The following ABLIM3 variants were observed in gnomAD, a reference collection of about 807,000 sequenced individuals.
ABLIM3 encodes the protein actin binding LIM protein family member 3, also known as actin-binding LIM protein 3.
A neutral mutation model predicts 109.5 loss-of-function variants in ABLIM3; 61 were observed. The observed-to-expected ratio is 0.56, with a 90% CI of 0.45 to 0.69. The LOEUF (loss-of-function observed/expected upper bound fraction) is 0.69. ABLIM3 is among the 30% of genes least tolerant of loss of function. The pLI is 0.00. For missense variants in ABLIM3, 796 were observed against 889.5 expected, an observed-to-expected ratio of 0.89 and a Z score of 1.34; for synonymous variants, 300 against 324.8, an observed-to-expected ratio of 0.92 and a Z score of 0.82.
At chr5:149,255,897 T>G (rs1387410791) in intron 23 of ABLIM3, among the ~76,000 whole-genome samples, 1 of 152,216 alleles carries the variant, frequency 6.6e-6, no homozygotes, top group East Asian at 1.9e-4. Flanking sequence ...GCACATGACC[T>G]GTATCTGCTC....
intron 14 of ABLIM3, 83 bp downstream of exon 14, chr5:149,240,857 C>A: frequency 7.7e-7 from 1 of 1,299,328 alleles, no homozygotes. Flanking sequence ...CTCGATGCCA[C>A]ACAGGCACCA....
At chr5:149,161,237 G>C (rs1161558677) in intron 2 of ABLIM3, among the ~76,000 whole-genome samples, 2 of 152,204 alleles carry the variant, frequency 1.3e-5, no homozygotes, top group Non-Finnish European at 2.9e-5. Context: ...TTTTGGGTCT[G>C]TGACATCAGT....
chr5:149,222,116 A>G (rs1760709490), intron 8 of ABLIM3, among the ~76,000 whole-genome samples: 1 of 150,722 alleles, frequency 6.6e-6, no homozygotes. Context: ...TAATAAAAAT[A>G]TTAATAATAA....
At chr5:149,233,600 A>G (rs76766643) in intron 10 of ABLIM3, among the ~76,000 whole-genome samples, 1,891 of 152,324 alleles carry the variant, frequency 0.012, 23 homozygotes, top group South Asian at 0.022. Context: ...TTCTAAAACC[A>G]ATGCAAGGTG....
At chr5:149,231,455 C>A (rs931091801) in intron 9 of ABLIM3, among the ~76,000 whole-genome samples, 2 of 152,122 alleles carry the variant, frequency 1.3e-5, no homozygotes, top group Non-Finnish European at 2.9e-5. Flanking sequence ...CATCCTGGCC[C>A]CCGGATATCA....
intron 3 of ABLIM3, among the ~76,000 whole-genome samples, chr5:149,186,948 T>A (rs534482877): frequency 6.6e-6 from 1 of 152,144 alleles, no homozygotes; most frequent in East Asian, 1.9e-4. Context: ...TTGAAATTAA[T>A]TCAATGTATC....
intron 7 of ABLIM3, among the ~76,000 whole-genome samples, chr5:149,214,294 G>A (rs146675727): frequency 0.025 from 3,743 of 152,304 alleles, 82 homozygotes; most frequent in Non-Finnish European, 0.035. Context: ...CAGCCATCTT[G>A]GCTTACTTTC....
At chr5:149,160,827 G>A (rs543599946) in intron 2 of ABLIM3, among the ~76,000 whole-genome samples, 18 of 152,342 alleles carry the variant, frequency 1.2e-4, no homozygotes, top group Non-Finnish European at 2.1e-4. Context: ...AGAATCTGAA[G>A]TACACACAGG....
chr5:149,160,274 G>T (rs2127445713), intron 2 of ABLIM3, among the ~76,000 whole-genome samples: 2 of 151,988 alleles, frequency 1.3e-5, no homozygotes, highest in Middle Eastern at 3.4e-3. Flanking sequence ...GGCCAACATG[G>T]TAAAACCCCG....
intron 2 of ABLIM3, among the ~76,000 whole-genome samples, chr5:149,147,391 C>A (rs529204945): frequency 9.9e-5 from 15 of 152,114 alleles, no homozygotes; most frequent in African/African-American, 3.1e-4. Flanking sequence ...ATTGAACCAA[C>A]CTTGCATCCT....
rs1367838573 is a variant in ABLIM3, at chr5:149,198,797, G to A, written c.335+395G>A. On this transcript the variant is annotated intron_variant, in intron 4 of 23. Coordinates refer to ENST00000309868, the MANE Select transcript of ABLIM3 (RefSeq NM_014945.5). The surrounding 1 kb of genome is among the most constrained non-coding windows in gnomAD (Gnocchi z 4.2). ...GGTGGGACAGGGATGTCTGTACATA[G>A]CCTTCCTCCATCATCCTGGCACCAC... Among the ~76,000 whole-genome samples the A allele has an allele frequency of 6.6e-6, 1 of 152,134 alleles. No individual in the cohort carries two copies. The highest frequency in any genetic ancestry group is 1.5e-5 in the Non-Finnish European group (1 of 68,016).
chr5:149,200,577 A>T, intron 5 of ABLIM3, 149 bp downstream of exon 5: 1 of 716,444 alleles, frequency 1.4e-6, no homozygotes, highest in Non-Finnish European at 2.4e-6. Flanking sequence ...CCCCATTGGC[A>T]TGTGGCCCAG....
intron 22 of ABLIM3, chr5:149,252,415 A>G (rs984215775): frequency 3.5e-6 from 2 of 574,292 alleles, no homozygotes; most frequent in African/African-American, 3.8e-5. Flanking sequence ...CTGAAATCAG[A>G]TACTCTCCCT....
At chr5:149,171,808 A>G (rs1755461557) in intron 2 of ABLIM3, among the ~76,000 whole-genome samples, 1 of 152,222 alleles carries the variant, frequency 6.6e-6, no homozygotes, top group Non-Finnish European at 1.5e-5. Context: ...TGCCTTCCCA[A>G]TCTCAAACAT....
chr5:149,150,172 C>G (rs901442955), intron 2 of ABLIM3, among the ~76,000 whole-genome samples: 1 of 152,116 alleles, frequency 6.6e-6, no homozygotes, highest in Non-Finnish European at 1.5e-5. Flanking sequence ...GCAGGCAGAA[C>G]GGATCTGGAG....
chr5:149,230,673 G>A lies in ABLIM3; in HGVS notation c.782G>A (p.Cys261Tyr), dbSNP rs1400412856. The A allele has an allele frequency of 1.2e-6, 2 of 1,614,000 alleles. No individual in the cohort carries two copies. The highest frequency in any genetic ancestry group is 1.7e-6 in the Non-Finnish European group (2 of 1,179,944). Residue 261 changes from cysteine to tyrosine, a missense_variant, in exon 9 of 24, where the codon TGC (cysteine) becomes TAC (tyrosine). Physicochemically the swap from Cys to Tyr is radical, Grantham distance 194 (BLOSUM62 -2). Transcript: ENST00000309868. ...GGTTCCGAGGTTTGGCACCCCATCT[G>A]CAAACAGGCAGCCCGGGCAGAGAAG... Reference protein sequence around the residue: ...LTGSEVWHPICKQAARAEKKL... With the variant: ...LTGSEVWHPIYKQAARAEKKL...
intron 2 of ABLIM3, among the ~76,000 whole-genome samples, chr5:149,168,154 T>C (rs1055783936): frequency 6.6e-6 from 1 of 152,088 alleles, no homozygotes; most frequent in Non-Finnish European, 1.5e-5. Flanking sequence ...TTGTCCCCAA[T>C]AGAGAACTGG....
At chr5:149,179,631 T>G (rs1307035344) in intron 2 of ABLIM3, among the ~76,000 whole-genome samples, 4 of 152,104 alleles carry the variant, frequency 2.6e-5, no homozygotes, top group Non-Finnish European at 4.4e-5. Flanking sequence ...TTTCTAGGAT[T>G]CAACCAAGTT....
intron 8 of ABLIM3, chr5:149,219,190 T>A (rs887408921): frequency 7.9e-5 from 12 of 152,258 alleles, no homozygotes; most frequent in African/African-American, 2.7e-4. Flanking sequence ...GTACCATCCT[T>A]GGTCTCTACC....
Sources: gnomAD v4.1 joint callset for allele counts (sites outside exome capture counted in the v4.1 genomes callset) on GRCh38, gnomAD v4.1.1 for gene constraint, Gnocchi (gnomAD v3.1) non-coding constraint, MANE v1.5 for transcripts, NCBI Gene and HGNC (gene_info 2026-07-23, HGNC 2026-07-21) for gene names.